Variants in YTHDC1 observed in about 807,000 individuals in gnomAD.
YTHDC1 encodes YTH N6-methyladenosine RNA binding protein C1.
Under a neutral mutation model 107.0 loss-of-function variants are expected in YTHDC1, and 12 were observed. That is an observed-to-expected ratio of 0.11 (90% CI 0.07 to 0.18). The LOEUF is 0.18. Ranked by LOEUF, YTHDC1 falls within the 10% of genes least tolerant of loss-of-function variation. YTHDC1 has a pLI of 1.00. For missense variants in YTHDC1, 635 were observed against 898.8 expected, an observed-to-expected ratio of 0.71 and a Z score of 3.75; for synonymous variants, 280 against 289.5, an observed-to-expected ratio of 0.97 and a Z score of 0.33.
At chr4:68,346,545 G>A (rs1036761873) in intron 1 of YTHDC1, among the ~76,000 whole-genome samples, 3 of 152,206 alleles carry the variant, frequency 2.0e-5, no homozygotes, top group African/African-American at 4.8e-5. Flanking sequence ...GCGCTAAGTA[G>A]TGTGATGAAA....
In YTHDC1 at chr4:68,337,250, T is replaced by G. The variant is rs2109728865; in HGVS notation, c.660A>C (p.Glu220Asp). Residue 220 changes from glutamate (E) to aspartate (D), a missense_variant, in exon 4 of 17, where the codon GAA (glutamate) becomes GAC (aspartate). Glu to Asp is a conservative substitution (Grantham distance 45, BLOSUM62 2). This residue lies in a region of YTHDC1 where 294 missense variants were observed against 312.3 expected (regional missense o/e 0.94). Transcript: ENST00000344157. ...EEDEEVEEDA[E>D]EDEEVDEDGE... ...CATCTTCATCCACCTCTTCATCTTC[T>G]TCTGCATCTTCTTCTACTTCTTCAT... 1.9e-6 allele frequency: 3 copies of G among 1,606,832 alleles called. No homozygotes were observed. In the East Asian group the frequency reaches 6.7e-5, roughly 36 times the overall value.
intron 1 of YTHDC1, among the ~76,000 whole-genome samples, chr4:68,347,643 T>C (rs549827828): frequency 6.6e-6 from 1 of 152,334 alleles, no homozygotes; most frequent in South Asian, 2.1e-4. Flanking sequence ...TCTTAAACCA[T>C]TTATGGAATC....
chr4:68,337,417 T>C lies in YTHDC1; in HGVS notation c.493A>G (p.Arg165Gly). 1 of 1,614,190 alleles carries C rather than the reference T, an allele frequency of 6.2e-7. No homozygotes were observed. Reference protein sequence around the residue: ...IGLEVDRRASRSSQSSKEEVN... With the variant: ...IGLEVDRRASGSSQSSKEEVN... ...TCTTCCTTAGAAGACTGGCTGGATC[T>C]GCTTGCACGTCTATCCACTTCAAGC... Residue 165 changes from arginine to glycine, a missense_variant, in exon 4 of 17, where the codon AGA becomes GGA. Physicochemically the swap from Arg to Gly is moderately radical, Grantham distance 125. Coordinates refer to ENST00000344157, the MANE Select transcript of YTHDC1 (RefSeq NM_001031732.4).
intron 1 of YTHDC1, among the ~76,000 whole-genome samples, chr4:68,339,931 C>T (rs992911543): frequency 1.3e-5 from 2 of 152,246 alleles, no homozygotes; most frequent in African/African-American, 4.8e-5. Flanking sequence ...GAAATACACA[C>T]AAATACCATT....
intron 9 of YTHDC1, among the ~76,000 whole-genome samples, chr4:68,327,125 A>T (rs1438181243): frequency 2.0e-5 from 3 of 151,786 alleles, no homozygotes; most frequent in African/African-American, 7.2e-5. Context: ...AATCCCAGCT[A>T]CTAGGGAGGC....
chr4:68,327,005 G>A (rs1723062230), intron 9 of YTHDC1, among the ~76,000 whole-genome samples: 1 of 150,986 alleles, frequency 6.6e-6, no homozygotes, highest in South Asian at 2.1e-4. Flanking sequence ...GGGAGGCTGA[G>A]GCGGGCGGAT....
chr4:68,321,353 G>C (rs1469315173), intron 11 of YTHDC1, among the ~76,000 whole-genome samples: 1 of 152,142 alleles, frequency 6.6e-6, no homozygotes, highest in Non-Finnish European at 1.5e-5. Flanking sequence ...TTAAAAGCTG[G>C]TTTAAAAAAT....
intron 12 of YTHDC1, among the ~76,000 whole-genome samples, chr4:68,319,076 GAGA>G: frequency 6.6e-6 from 1 of 152,104 alleles, no homozygotes; most frequent in Non-Finnish European, 1.5e-5. Context: ...TAAACTGCTA[GAGA>G]AGCTTTCAGA....
Position 68,318,877 on chromosome 4 carries a change from A to G in YTHDC1, c.1685-15T>C. On this transcript the variant is annotated splice_polypyrimidine_tract_variant and intron_variant, in intron 12 of 16. Transcript: ENST00000344157. ...CTTTAAATACCCTGTTCAAACATCAAGCATTTTAGTAAATCAAATTTATAT... is the reference window on the plus strand; with the variant it reads ...CTTTAAATACCCTGTTCAAACATCAGGCATTTTAGTAAATCAAATTTATAT... The G allele has an allele frequency of 6.2e-7, 1 of 1,613,746 alleles. No individual in the cohort carries two copies. Among genetic ancestry groups the G allele is most frequent in the Non-Finnish European group, 8.5e-7 (1 of 1,179,732 alleles).
Position 68,318,584 on chromosome 4 carries a change from A to AAAAT in YTHDC1, c.1762-7_1762-4dup. ...TCCCTCACATAATCATTGTAGGACTAAAATAAAAGATGATAATGTCAATAT... is the reference window on the plus strand; with the variant it reads ...TCCCTCACATAATCATTGTAGGACTAAAATAAATAAAAGATGATAATGTCAATAT... On this transcript the variant is annotated splice_region_variant and splice_polypyrimidine_tract_variant and intron_variant, in intron 14 of 16. Coordinates refer to ENST00000344157, the MANE Select transcript of YTHDC1 (RefSeq NM_001031732.4). The AAAAT allele has an allele frequency of 6.2e-7, 1 of 1,611,440 alleles. No homozygotes were observed.
chr4:68,328,529 C>T (rs1723229936), intron 9 of YTHDC1, among the ~76,000 whole-genome samples: 1 of 152,182 alleles, frequency 6.6e-6, no homozygotes, highest in Admixed American at 6.5e-5. Context: ...TGTATTTTTT[C>T]ATTTGTTATA....
intron 1 of YTHDC1, 89 bp downstream of exon 1, chr4:68,349,637 A>AACCCCC: frequency 8.0e-6 from 1 of 124,938 alleles, no homozygotes; most frequent in African/African-American, 1.2e-4. Context: ...CCCAACCCCC[A>AACCCCC]CCCCCCACCC....
intron 2 of YTHDC1, 28 bp from the exon 3 acceptor site, chr4:68,337,928 AAAG>A (rs964845210): frequency 9.5e-6 from 15 of 1,581,996 alleles, no homozygotes; most frequent in Non-Finnish European, 1.0e-5. Context: ...AAAAAAAAAA[AAAG>A]AAGTATTTGT....
At chr4:68,328,374 T>G (rs1318068032) in intron 9 of YTHDC1, among the ~76,000 whole-genome samples, 2 of 152,144 alleles carry the variant, frequency 1.3e-5, no homozygotes, top group Non-Finnish European at 2.9e-5. Flanking sequence ...GTCACCAGAT[T>G]TTCAACTTTA....
At position 68,310,415 on chromosome 4, in the gene YTHDC1, ATTAG is replaced by A. The variant is rs1371361417; in HGVS notation, c.*3680_*3683del. On this transcript the variant is annotated 3_prime_UTR_variant, in exon 17 of 17. Coordinates refer to ENST00000344157, the MANE Select transcript of YTHDC1 (RefSeq NM_001031732.4). ...TATTTAAGATACATTTAATGTATTT[ATTAG>A]TATTTAAGACAATAGTCAATAATCT... 4 of 152,222 alleles carry A rather than the reference ATTAG, an allele frequency of 2.6e-5. No individual in the cohort carries two copies. Among genetic ancestry groups the A allele is most frequent in the Non-Finnish European group, 4.4e-5 (3 of 68,040 alleles). 9.4% of individuals were successfully genotyped at this position (152,222 alleles called of 1,614,324 possible).
In YTHDC1 at chr4:68,338,271, A is replaced by G; in HGVS notation, c.130+12T>C. On this transcript the variant is annotated intron_variant, in intron 2 of 16. Transcript: ENST00000344157. Reference sequence around the variant, plus strand: ...CTGTTATTTCAACAAAAATAATAGAACTCTTACATACCCTTTTTCTCATTT... The same window carrying G: ...CTGTTATTTCAACAAAAATAATAGAGCTCTTACATACCCTTTTTCTCATTT... 1 of 1,584,756 alleles carries G rather than the reference A, an allele frequency of 6.3e-7. No individual in the cohort carries two copies. The highest frequency in any genetic ancestry group is 1.1e-5 in the South Asian group (1 of 87,532).
rs1414943032 is a variant in YTHDC1 at position 68,311,450 on chromosome 4, T to C, written c.*2649A>G. Reference sequence around the variant, plus strand: ...GAATGACTGAATTTTCTGTTTTTCATCTGAACACATCATACTAATGTAGAT... The same window carrying C: ...GAATGACTGAATTTTCTGTTTTTCACCTGAACACATCATACTAATGTAGAT... On this transcript the variant is annotated 3_prime_UTR_variant, in exon 17 of 17. Transcript: ENST00000344157. 6.6e-6 allele frequency: 1 copy of C among 152,216 alleles called. No homozygotes were observed. The highest frequency in any genetic ancestry group is 1.9e-4 in the East Asian group (1 of 5,186). The allele number at this position is 152,216 out of a possible 1,614,324, so 9.4% of individuals were successfully genotyped here.
At chr4:68,348,474 C>CAAAAAA (rs34746525) in intron 1 of YTHDC1, among the ~76,000 whole-genome samples, 1 of 120,986 alleles carries the variant, frequency 8.3e-6, no homozygotes, top group Non-Finnish European at 1.8e-5. Flanking sequence ...CTGGATTTCT[C>CAAAAAA]AAAAAAAAAA....
intron 7 of YTHDC1, 46 bp from the exon 8 acceptor site, chr4:68,330,356 C>T (rs1560487025): frequency 7.8e-7 from 1 of 1,290,000 alleles, no homozygotes; most frequent in East Asian, 2.4e-5. Context: ...AACTACAACT[C>T]TTTTGTGTTT....
Sources: allele counts gnomAD v4.1 joint callset (sites outside exome capture counted in the v4.1 genomes callset), GRCh38; gene constraint gnomAD v4.1.1; regional missense constraint gnomAD v4.1.1; transcripts MANE v1.5; gene names NCBI Gene and HGNC (gene_info 2026-07-23, HGNC 2026-07-21).